Variants in EPB41L4A observed in about 807,000 individuals in gnomAD.
EPB41L4A encodes the protein erythrocyte membrane protein band 4.1 like 4A.
EPB41L4A carries 100 observed loss-of-function variants against 108.6 expected under a neutral mutation model. The observed-to-expected ratio is 0.92, with a 90% CI of 0.78 to 1.09. The LOEUF is 1.09. Among genes scored for constraint, EPB41L4A ranks in the 50% least tolerant of loss-of-function variants. The pLI is 0.00. For missense variants in EPB41L4A, 1,030 were observed against 842.7 expected (o/e 1.22, Z -2.75); for synonymous variants, 319 against 289.0 (o/e 1.10, Z -1.05).
At chr5:112,225,638 T>C (rs1489508994) in intron 12 of EPB41L4A, among the ~76,000 whole-genome samples, 1 of 152,228 alleles carries the variant, frequency 6.6e-6, no homozygotes, top group Non-Finnish European at 1.5e-5. Context: ...TACTAGTTTC[T>C]AATGTATCCT....
At chr5:112,375,253 C>T (rs1413653820) in intron 1 of EPB41L4A, among the ~76,000 whole-genome samples, 3 of 151,668 alleles carry the variant, frequency 2.0e-5, no homozygotes, top group African/African-American at 7.3e-5. Flanking sequence ...TCACGTTGTC[C>T]CTTCCTAAAC....
At chr5:112,378,319 G>C (rs1008307791) in intron 1 of EPB41L4A, among the ~76,000 whole-genome samples, 1 of 152,124 alleles carries the variant, frequency 6.6e-6, no homozygotes, top group Admixed American at 6.6e-5. Flanking sequence ...TCACTCCTAA[G>C]AATGCAAGTT....
At chr5:112,153,882 A>G (rs894404771) in intron 12 of EPB41L4A, among the ~76,000 whole-genome samples, 1 of 151,636 alleles carries the variant, frequency 6.6e-6, no homozygotes, top group Non-Finnish European at 1.5e-5. Flanking sequence ...ATTATTAAAA[A>G]TAAATAACAA....
At chr5:112,169,464 T>A (rs1440096879) in intron 20 of EPB41L4A, among the ~76,000 whole-genome samples, 1 of 152,048 alleles carries the variant, frequency 6.6e-6, no homozygotes, top group Non-Finnish European at 1.5e-5. Context: ...ATGGAAAAAG[T>A]TGGTCCGCTG....
At chr5:112,265,202 T>A (rs561279499) in intron 5 of EPB41L4A, among the ~76,000 whole-genome samples, 186 bp from the exon 6 acceptor site, 2 of 152,234 alleles carry the variant, frequency 1.3e-5, no homozygotes, top group Admixed American at 1.3e-4. Context: ...CAACAAATTC[T>A]GGACTTAAAA....
In EPB41L4A at chr5:112,419,160, G is replaced by A. The variant is rs943254725; in HGVS notation, c.-121C>T. The A allele has an allele frequency of 1.3e-5, 9 of 694,542 alleles. No homozygotes were observed. The highest frequency in any genetic ancestry group is 3.0e-5 in the East Asian group (1 of 33,072). The allele number at this position is 694,542 out of a possible 1,614,324, so 43.0% of individuals were successfully genotyped here. A position where few individuals can be genotyped will look rare whatever the true frequency, so the allele number is the denominator to read the frequency against. On this transcript the variant is annotated 5_prime_UTR_variant, in exon 1 of 23. Transcript: ENST00000261486. ...CGCCGTGGCGAGGGTGAGACGAGCA[G>A]CTCCCGGCGGGGTCCGGGGACCGGC... is the stretch of plus-strand genomic sequence containing the variant.
chr5:112,291,972 G>T (rs1453273347), intron 2 of EPB41L4A, among the ~76,000 whole-genome samples: 12 of 152,234 alleles, frequency 7.9e-5, no homozygotes, highest in Admixed American at 7.9e-4. Context: ...GCCAGGAGCA[G>T]TGGCTCACAC....
At chr5:112,393,621 C>A (rs1761109941) in intron 1 of EPB41L4A, among the ~76,000 whole-genome samples, 1 of 152,052 alleles carries the variant, frequency 6.6e-6, no homozygotes, top group Non-Finnish European at 1.5e-5. Context: ...CCAAAAGAGT[C>A]CAGAACCAAA....
chr5:112,246,837 C>T (rs181455484), intron 9 of EPB41L4A, among the ~76,000 whole-genome samples: 2 of 152,200 alleles, frequency 1.3e-5, no homozygotes, highest in Admixed American at 6.5e-5. Context: ...ACTATTTTTC[C>T]CTACCCCCCT....
intron 1 of EPB41L4A, among the ~76,000 whole-genome samples, chr5:112,317,626 C>A (rs1404926091): frequency 6.6e-6 from 1 of 152,126 alleles, no homozygotes; most frequent in African/African-American, 2.4e-5. Flanking sequence ...ATAGAGTTTT[C>A]TAGCGGTCAC....
chr5:112,210,920 A>C (rs191485128), intron 12 of EPB41L4A, among the ~76,000 whole-genome samples: 2 of 151,968 alleles, frequency 1.3e-5, no homozygotes, highest in African/African-American at 2.4e-5. Context: ...CGGTCCTTCA[A>C]TCCAATGCAT....
chr5:112,319,163 C>T (rs956009574), intron 1 of EPB41L4A, among the ~76,000 whole-genome samples: 5 of 152,078 alleles, frequency 3.3e-5, no homozygotes, highest in African/African-American at 1.2e-4. Context: ...AAAATGGAAA[C>T]AGTGTTCAAA....
At chr5:112,401,182 G>A (rs990898539) in intron 1 of EPB41L4A, among the ~76,000 whole-genome samples, 5 of 152,170 alleles carry the variant, frequency 3.3e-5, no homozygotes, top group African/African-American at 1.2e-4. Flanking sequence ...GTAACCTGCA[G>A]AACCTGAGTA....
At chr5:112,181,742 TA>T (rs1466545844) in intron 18 of EPB41L4A, among the ~76,000 whole-genome samples, 5 of 152,194 alleles carry the variant, frequency 3.3e-5, no homozygotes, top group Non-Finnish European at 5.9e-5. Flanking sequence ...ATTACATTTA[TA>T]TGAAGTTCGA....
chr5:112,203,503 T>G (rs529428497), intron 15 of EPB41L4A, among the ~76,000 whole-genome samples: 1 of 152,202 alleles, frequency 6.6e-6, no homozygotes, highest in Non-Finnish European at 1.5e-5. Context: ...CATCTTCCTC[T>G]CTTGTACCTG....
At chr5:112,170,219 C>A in intron 20 of EPB41L4A, 82 bp downstream of exon 20, 1 of 1,369,666 alleles carries the variant, frequency 7.3e-7, no homozygotes, top group Non-Finnish European at 1.0e-6. Flanking sequence ...AAAGCACTGT[C>A]TGGAACACAA....
intron 1 of EPB41L4A, among the ~76,000 whole-genome samples, chr5:112,364,684 T>C (rs1176780704): frequency 6.6e-6 from 1 of 152,244 alleles, no homozygotes; most frequent in Non-Finnish European, 1.5e-5. Flanking sequence ...TTAAAAGGCT[T>C]TCTCTAAATC....
chr5:112,405,706 T>C (rs1195617577), intron 1 of EPB41L4A, among the ~76,000 whole-genome samples: 2 of 152,240 alleles, frequency 1.3e-5, no homozygotes, highest in African/African-American at 4.8e-5. Flanking sequence ...TTTTCTAAAA[T>C]ACCTTTCCTG....
intron 9 of EPB41L4A, among the ~76,000 whole-genome samples, chr5:112,254,739 T>G (rs997285237): frequency 3.3e-5 from 5 of 152,072 alleles, no homozygotes; most frequent in African/African-American, 1.2e-4. Context: ...TGATGCTCCT[T>G]ATCTCTGTAT....
Sources: allele counts gnomAD v4.1 joint callset (sites outside exome capture counted in the v4.1 genomes callset), GRCh38; gene constraint gnomAD v4.1.1; transcripts MANE v1.5; gene names NCBI Gene and HGNC (gene_info 2026-07-23, HGNC 2026-07-21).